Variants in SCARB2 observed in about 807,000 individuals in gnomAD.
SCARB2 encodes scavenger receptor class B member 2.
Under a neutral mutation model 58.6 loss-of-function variants are expected in SCARB2, and 29 were observed. That is an observed-to-expected ratio of 0.49 (90% CI 0.37 to 0.67). The LOEUF is 0.67. Among genes scored for constraint, SCARB2 ranks in the 30% least tolerant of loss-of-function variants. SCARB2 has a pLI of 0.00. For synonymous variants in SCARB2, 195 were observed against 210.1 expected (o/e 0.93, Z 0.62); for missense variants, 488 against 578.5 (o/e 0.84, Z 1.60).
At chr4:76,166,328 T>A in intron 9 of SCARB2, 27 bp from the exon 10 acceptor site, 1 of 1,609,676 alleles carries the variant, frequency 6.2e-7, no homozygotes, top group Non-Finnish European at 8.5e-7. Flanking sequence ...TGAGATTGTT[T>A]CAGAAACATC....
At chr4:76,205,604 T>G (rs1293239825) in intron 1 of SCARB2, among the ~76,000 whole-genome samples, 2 of 152,196 alleles carry the variant, frequency 1.3e-5, no homozygotes, top group Non-Finnish European at 2.9e-5. Context: ...GATGAGTGAT[T>G]ACATTAGTGT....
chr4:76,213,132 G>C, intron 1 of SCARB2: 1 of 382,350 alleles, frequency 2.6e-6, no homozygotes, highest in Non-Finnish European at 4.9e-6. Flanking sequence ...CCTGAGATTG[G>C]GGTGTAGACG....
chr4:76,196,930 G>A (rs1337030598), intron 1 of SCARB2, among the ~76,000 whole-genome samples: 2 of 152,198 alleles, frequency 1.3e-5, no homozygotes, highest in Non-Finnish European at 2.9e-5. Flanking sequence ...TCTTTAAAGA[G>A]CTGATGAAGG....
At position 76,159,377 on chromosome 4, in the gene SCARB2, A is replaced by G. The variant is rs911742094; in HGVS notation, c.*2336T>C. The stretch of plus-strand genomic sequence containing the variant: ...TGACTGTAGTTTGTAGATCTGTCTC[A>G]GACTTTTCAGAAGGATAGTATCAAA... On this transcript the variant is annotated 3_prime_UTR_variant, in exon 12 of 12. Transcript: ENST00000264896. 3.3e-5 allele frequency: 5 copies of G among 152,074 alleles called. No homozygotes were observed. Among genetic ancestry groups the G allele is most frequent in the African/African-American group, 1.2e-4 (5 of 41,396 alleles). The allele number at this position is 152,074 out of a possible 1,614,324, so 9.4% of individuals were successfully genotyped here.
intron 1 of SCARB2, among the ~76,000 whole-genome samples, chr4:76,233,220 G>A (rs572063126): frequency 6.6e-6 from 1 of 152,220 alleles, no homozygotes; most frequent in Admixed American, 6.5e-5. Context: ...CTAATTGTGT[G>A]CTAACTGCAG....
intron 1 of SCARB2, among the ~76,000 whole-genome samples, chr4:76,228,148 G>T (rs567528992): frequency 1.3e-5 from 2 of 151,802 alleles, no homozygotes; most frequent in Non-Finnish European, 2.9e-5. Flanking sequence ...CTCTAAGGAG[G>T]TTCTATTTTT....
chr4:76,161,999 C>A, intron 11 of SCARB2: 1 of 567,054 alleles, frequency 1.8e-6, no homozygotes, highest in South Asian at 2.0e-5. Flanking sequence ...CTGTGTTGAT[C>A]TGGATTATAA....
chr4:76,222,518 G>A (rs1201208919), intron 1 of SCARB2, among the ~76,000 whole-genome samples: 4 of 152,140 alleles, frequency 2.6e-5, no homozygotes, highest in South Asian at 2.1e-4. Context: ...ATGAGCCACC[G>A]TGCCCGGCCT....
chr4:76,162,113 T>A (rs888268227), intron 11 of SCARB2: 15 of 283,442 alleles, frequency 5.3e-5, no homozygotes, highest in Middle Eastern at 1.1e-3. Context: ...GTTGAATATA[T>A]GAGGAAGGTT....
chr4:76,165,898 A>C (rs543524010), intron 10 of SCARB2: 125 of 368,212 alleles, frequency 3.4e-4, no homozygotes, highest in Non-Finnish European at 4.6e-4. Flanking sequence ...GAAGGGGGAG[A>C]CAAAGGGCTA....
At chr4:76,171,983 T>C (rs1011456140) in intron 7 of SCARB2, among the ~76,000 whole-genome samples, 6 of 151,138 alleles carry the variant, frequency 4.0e-5, no homozygotes, top group African/African-American at 1.5e-4. Context: ...TGTGCACACT[T>C]GCGCACGTGT....
At chr4:76,222,025 A>G (rs890743899) in intron 1 of SCARB2, among the ~76,000 whole-genome samples, 4 of 152,240 alleles carry the variant, frequency 2.6e-5, no homozygotes, top group Non-Finnish European at 4.4e-5. Context: ...TGGTATACTA[A>G]TATCTCTATA....
rs1382885551 is a variant in SCARB2, at chr4:76,158,822, C to A, written c.*2891G>T. On this transcript the variant is annotated 3_prime_UTR_variant, in exon 12 of 12. Transcript: ENST00000264896. ...CATGTCAAGAACCGCATGAAGTGAA[C>A]CAACTGTATAAGCTACATGAAGAGC... 6.6e-6 allele frequency: 1 copy of A among 152,186 alleles called. No individual in the cohort carries two copies. Among genetic ancestry groups the A allele is most frequent in the African/African-American group, 2.4e-5 (1 of 41,442 alleles). 9.4% of individuals were successfully genotyped at this position (152,186 alleles called of 1,614,324 possible). A position where few individuals can be genotyped will look rare whatever the true frequency, so the allele number is the denominator to read the frequency against.
chr4:76,196,603 G>GA (rs1433807883), intron 1 of SCARB2, among the ~76,000 whole-genome samples: 1 of 152,170 alleles, frequency 6.6e-6, no homozygotes, highest in Non-Finnish European at 1.5e-5. Context: ...AAGGGCCCAA[G>GA]AAGGCCAGTT....
At chr4:76,198,562 T>A (rs1176383450) in intron 1 of SCARB2, among the ~76,000 whole-genome samples, 1 of 152,228 alleles carries the variant, frequency 6.6e-6, no homozygotes, top group East Asian at 1.9e-4. Flanking sequence ...CTTGGCAGCA[T>A]GCCAGAGTCA....
intron 2 of SCARB2, among the ~76,000 whole-genome samples, chr4:76,186,606 C>T (rs773410453): frequency 2.6e-5 from 4 of 152,142 alleles, no homozygotes; most frequent in Non-Finnish European, 4.4e-5. Flanking sequence ...AGAAGACTCA[C>T]CCGCTTGTTG....
chr4:76,222,480 G>T (rs1359400373), intron 1 of SCARB2, among the ~76,000 whole-genome samples: 1 of 152,062 alleles, frequency 6.6e-6, no homozygotes, highest in South Asian at 2.1e-4. Context: ...CACCTGCCTC[G>T]GCCTTCCAAA....
At chr4:76,193,814 A>C (rs1015770782) in intron 2 of SCARB2, 1 of 152,234 alleles carries the variant, frequency 6.6e-6, no homozygotes, top group African/African-American at 2.4e-5. Context: ...TTAATGCTGG[A>C]ATGAGTTAAG....
rs182074796 is a variant in SCARB2, at chr4:76,163,716, A to G, written c.1240-333T>C. The G allele has an allele frequency of 1.9e-3, 685 of 367,148 alleles. 1 individual carries two copies. The highest frequency in any genetic ancestry group is 1.9e-3 in the Non-Finnish European group (379 of 194,446). 22.7% of individuals were successfully genotyped at this position (367,148 alleles called of 1,614,324 possible). On this transcript the variant is annotated intron_variant, in intron 10 of 11. Transcript: ENST00000264896. ...ATCCAGCTCAGCATCACTTCCTTCC[A>G]AAAGTTTTCTCTGGCTACCTCAGGC...
Sources: gnomAD v4.1 joint callset for allele counts (sites outside exome capture counted in the v4.1 genomes callset) on GRCh38, gnomAD v4.1.1 for gene constraint, MANE v1.5 for transcripts, NCBI Gene and HGNC (gene_info 2026-07-23, HGNC 2026-07-21) for gene names.